The following ANKRD9 variants were observed in gnomAD, a reference collection of about 807,000 sequenced individuals.
ANKRD9 encodes ankyrin repeat domain-containing protein 9.
Under a neutral mutation model 19.2 loss-of-function variants are expected in ANKRD9, and 13 were observed. That is an observed-to-expected ratio of 0.68 (90% confidence interval 0.44 to 1.08). The LOEUF is 1.08. Among genes scored for constraint, ANKRD9 ranks in the 50% least tolerant of loss-of-function variants. ANKRD9 has a pLI of 0.00. For missense variants in ANKRD9, 518 were observed against 499.9 expected (o/e 1.04, Z -0.34); for synonymous variants, 278 against 256.8 (o/e 1.08, Z -0.79).
Position 102,507,499 on chromosome 14 carries a change from G to C in ANKRD9, c.391C>G (p.Arg131Gly). The C allele has an allele frequency of 1.5e-6, 2 of 1,376,112 alleles. No individual in the cohort carries two copies. Among genetic ancestry groups the C allele is most frequent in the Non-Finnish European group, 1.9e-6 (2 of 1,062,944 alleles). The allele number at this position is 1,376,112 out of a possible 1,614,324, so 85.2% of individuals were successfully genotyped here. A position where few individuals can be genotyped will look rare whatever the true frequency, so the allele number is the denominator to read the frequency against. ...VRYNRVGILRRILRTLRDFPA... is the reference protein window; with the variant it reads ...VRYNRVGILRGILRTLRDFPA... Reference sequence around the variant, plus strand: ...AAGTCGCGCAAGGTGCGCAGGATGCGGCGCAGAATGCCCACGCGGTTGTAG... The same window carrying C: ...AAGTCGCGCAAGGTGCGCAGGATGCCGCGCAGAATGCCCACGCGGTTGTAG... The change falls in exon 4 of 4, where the codon CGC (arginine) becomes GGC (glycine). Residue 131 changes from arginine (R) to glycine (G), a missense_variant. By Grantham distance (125) the Arg-to-Gly change is moderately radical. Coordinates refer to ENST00000286918, the MANE Select transcript of ANKRD9 (RefSeq NM_152326.4). The surrounding 1 kb of genome is among the most constrained non-coding windows in gnomAD (Gnocchi z 9.2).
In ANKRD9 at chr14:102,507,657, T is replaced by C; in HGVS notation, c.233A>G (p.Tyr78Cys). Residue 78 changes from tyrosine to cysteine, a missense_variant, in exon 4 of 4, where the codon TAC (tyrosine) becomes TGC (cysteine). Coordinates refer to ENST00000286918, the MANE Select transcript of ANKRD9 (RefSeq NM_152326.4). The surrounding 1 kb of genome is among the most constrained non-coding windows in gnomAD (Gnocchi z 9.2). Reference protein sequence around the residue: ...AAYSPSEALLYALVHDHQAYA... With the variant: ...AAYSPSEALLCALVHDHQAYA... ...CGCTTGGTGGTCGTGCACGAGCGCG[T>C]AGAGCAGCGCCTCAGAGGGCGAGTA... is the stretch of plus-strand genomic sequence containing the variant. The C allele has an allele frequency of 6.5e-7, 1 of 1,549,474 alleles. No homozygotes were observed.
rs1422079017 is a variant in ANKRD9, at chr14:102,502,418, T to C, written c.*4518A>G. ...TATATGCCTTTTTGTATCCTTTGAA[T>C]TTCCAGCCATGTAAATGTATTATTT... On this transcript the variant is annotated 3_prime_UTR_variant, in exon 4 of 4. Coordinates refer to ENST00000286918, the MANE Select transcript of ANKRD9 (RefSeq NM_152326.4). 1.3e-5 allele frequency: 2 copies of C among 152,686 alleles called. No homozygotes were observed. The highest frequency in any genetic ancestry group is 2.9e-5 in the Non-Finnish European group (2 of 68,050). The allele number at this position is 152,686 out of a possible 1,614,324, so 9.5% of individuals were successfully genotyped here. A position where few individuals can be genotyped will look rare whatever the true frequency, so the allele number is the denominator to read the frequency against.
At position 102,507,549 on chromosome 14, in the gene ANKRD9, C is replaced by G; in HGVS notation, c.341G>C (p.Gly114Ala). 8 of 1,342,606 alleles carry G rather than the reference C, an allele frequency of 6.0e-6. No homozygotes were observed. Among genetic ancestry groups the G allele is most frequent in the Non-Finnish European group, 7.6e-6 (8 of 1,047,416 alleles). 83.2% of individuals were successfully genotyped at this position (1,342,606 alleles called of 1,614,324 possible). Reference sequence around the variant, plus strand: ...GCGCACTGCCAGCGCCACGTGCGGCCCGGGAGCCGCGCAGCAGCGGAAGCC... The same window carrying G: ...GCGCACTGCCAGCGCCACGTGCGGCGCGGGAGCCGCGCAGCAGCGGAAGCC... ...SAGFRCCAAP[G>A]PHVALAVRYN... Residue 114 changes from glycine (G) to alanine (A), a missense_variant, in exon 4 of 4, where the codon GGG becomes GCG. Physicochemically the swap from Gly to Ala is moderately conservative, Grantham distance 60. Transcript: ENST00000286918. This position sits in a 1 kb window ranked among gnomAD's most constrained non-coding sequence, Gnocchi z 9.2.
At position 102,507,110 on chromosome 14, in the gene ANKRD9, C is replaced by T. The variant is rs1271184723; in HGVS notation, c.780G>A (p.Arg260=). 2.0e-6 allele frequency: 3 copies of T among 1,516,570 alleles called. No individual in the cohort carries two copies. The highest frequency in any genetic ancestry group is 2.6e-5 in the East Asian group (1 of 37,982). 93.9% of individuals were successfully genotyped at this position (1,516,570 alleles called of 1,614,324 possible). The part of the protein sequence containing the change: ...ELLGDRPRWQ[R]LLGEDKFQWL... ...ACTGGAACTTGTCCTCACCCAGCAG[C>T]CGCTGCCAGCGCGGCCGGTCGCCCA... Residue 260 remains arginine (R), a synonymous_variant, in exon 4 of 4, where the codon CGG becomes CGA. Transcript: ENST00000286918. The surrounding 1 kb of genome is among the most constrained non-coding windows in gnomAD (Gnocchi z 9.2).
At position 102,507,433 on chromosome 14, in the gene ANKRD9, A is replaced by G. The variant is rs1053503967; in HGVS notation, c.457T>C (p.Cys153Arg). 2.9e-6 allele frequency: 4 copies of G among 1,386,024 alleles called. No homozygotes were observed. The highest frequency in any genetic ancestry group is 1.4e-5 in the South Asian group (1 of 73,992). 85.9% of individuals were successfully genotyped at this position (1,386,024 alleles called of 1,614,324 possible). A position where few individuals can be genotyped will look rare whatever the true frequency, so the allele number is the denominator to read the frequency against. ...GTGCCACCGCCCTCCACGCGGCTGC[A>G]GCCACGCCGGTCCAGCACGCGCGCC... ...ERARVLDRRG[C>R]SRVEGGGTSL... Residue 153 changes from cysteine (C) to arginine (R), a missense_variant, in exon 4 of 4, where the codon TGC (cysteine) becomes CGC (arginine). Physicochemically the swap from Cys to Arg is radical, Grantham distance 180. Coordinates refer to ENST00000286918, the MANE Select transcript of ANKRD9 (RefSeq NM_152326.4). The surrounding 1 kb of genome is among the most constrained non-coding windows in gnomAD (Gnocchi z 9.2).
Position 102,508,218 on chromosome 14 carries a change from CAA to C in ANKRD9, c.-54+255_-54+256del, listed in dbSNP as rs1891677574. Among the ~76,000 whole-genome samples the C allele has an allele frequency of 6.6e-6, 1 of 152,198 alleles. No individual in the cohort carries two copies. Among genetic ancestry groups the C allele is most frequent in the Non-Finnish European group, 1.5e-5 (1 of 68,032 alleles). ...GAAATGCCCTTGCTGCCCATGCCCT[CAA>C]ATCTCCCCTCCCCTCTCCAACCCAG... is the stretch of plus-strand genomic sequence containing the variant. On this transcript the variant is annotated intron_variant, in intron 3 of 3. Coordinates refer to ENST00000286918, the MANE Select transcript of ANKRD9 (RefSeq NM_152326.4). The surrounding 1 kb of genome is among the most constrained non-coding windows in gnomAD (Gnocchi z 6.2).
Position 102,507,293 on chromosome 14 carries a change from C to G in ANKRD9, c.597G>C (p.Leu199=). The G allele has an allele frequency of 8.2e-7, 1 of 1,225,204 alleles. No homozygotes were observed. The highest frequency in any genetic ancestry group is 1.0e-6 in the Non-Finnish European group (1 of 979,308). 75.9% of individuals were successfully genotyped at this position (1,225,204 alleles called of 1,614,324 possible). A position where few individuals can be genotyped will look rare whatever the true frequency, so the allele number is the denominator to read the frequency against. Residue 199 remains leucine (L), a synonymous_variant, in exon 4 of 4, where the codon CTG becomes CTC. Transcript: ENST00000286918. This position sits in a 1 kb window ranked among gnomAD's most constrained non-coding sequence, Gnocchi z 9.2. Reference sequence around the variant, plus strand: ...CGGCGTCGCGGCCCAGCTGGCGCAGCAGCAGCTCGAGAGGCGTGAGGCCGC... The same window carrying G: ...CGGCGTCGCGGCCCAGCTGGCGCAGGAGCAGCTCGAGAGGCGTGAGGCCGC... ...DGGGLTPLEL[L]LRQLGRDAGA...
Position 102,507,574 on chromosome 14 carries a change from C to A in ANKRD9, c.316G>T (p.Gly106Cys). 1 of 1,373,386 alleles carries A rather than the reference C, an allele frequency of 7.3e-7. No individual in the cohort carries two copies. The highest frequency in any genetic ancestry group is 1.5e-5 in the African/African-American group (1 of 65,644). The allele number at this position is 1,373,386 out of a possible 1,614,324, so 85.1% of individuals were successfully genotyped here. A position where few individuals can be genotyped will look rare whatever the true frequency, so the allele number is the denominator to read the frequency against. The change falls in exon 4 of 4, where the codon GGC becomes TGC. Residue 106 changes from glycine to cysteine, a missense_variant. Physicochemically the swap from Gly to Cys is radical, Grantham distance 159. Transcript: ENST00000286918. This position sits in a 1 kb window ranked among gnomAD's most constrained non-coding sequence, Gnocchi z 9.2. Reference protein sequence around the residue: ...PRRALAPPSAGFRCCAAPGPH... With the variant: ...PRRALAPPSACFRCCAAPGPH... Reference sequence around the variant, plus strand: ...CCGGGAGCCGCGCAGCAGCGGAAGCCGGCACTGGGCGGTGCGAGCGCGCGC... The same window carrying A: ...CCGGGAGCCGCGCAGCAGCGGAAGCAGGCACTGGGCGGTGCGAGCGCGCGC...
In ANKRD9 at chr14:102,507,498, C is replaced by T. The variant is rs1191038697; in HGVS notation, c.392G>A (p.Arg131His). 2.2e-6 allele frequency: 3 copies of T among 1,378,602 alleles called. No individual in the cohort carries two copies. The highest frequency in any genetic ancestry group is 1.4e-5 in the South Asian group (1 of 69,526). 85.4% of individuals were successfully genotyped at this position (1,378,602 alleles called of 1,614,324 possible). ...VRYNRVGILR[R>H]ILRTLRDFPA... ...GAAGTCGCGCAAGGTGCGCAGGATG[C>T]GGCGCAGAATGCCCACGCGGTTGTA... The change falls in exon 4 of 4, where the codon CGC (arginine) becomes CAC (histidine). Residue 131 changes from arginine (R) to histidine (H), a missense_variant. Physicochemically the swap from Arg to His is conservative, Grantham distance 29. Coordinates refer to ENST00000286918, the MANE Select transcript of ANKRD9 (RefSeq NM_152326.4). This position sits in a 1 kb window ranked among gnomAD's most constrained non-coding sequence, Gnocchi z 9.2.
chr14:102,507,360 A>G lies in ANKRD9; in HGVS notation c.530T>C (p.Leu177Pro). The G allele has an allele frequency of 1.5e-6, 2 of 1,331,276 alleles. No individual in the cohort carries two copies. Among genetic ancestry groups the G allele is most frequent in the Non-Finnish European group, 1.9e-6 (2 of 1,038,388 alleles). 82.5% of individuals were successfully genotyped at this position (1,331,276 alleles called of 1,614,324 possible). ...GGGCGAGGCGCCGTGGCCCAGCAGCAGGAAGAGGCACTCGGGGCGCGCCAG... is the reference window on the plus strand; with the variant it reads ...GGGCGAGGCGCCGTGGCCCAGCAGCGGGAAGAGGCACTCGGGGCGCGCCAG... ...CELARPECLF[L>P]LLGHGASPGL... The change falls in exon 4 of 4, where the codon CTG becomes CCG. Residue 177 changes from leucine to proline, a missense_variant. Leu to Pro is a moderately conservative substitution (Grantham distance 98, BLOSUM62 -3). Transcript: ENST00000286918. The surrounding 1 kb of genome is among the most constrained non-coding windows in gnomAD (Gnocchi z 9.2).
Position 102,509,719 on chromosome 14 carries a change from C to CGGCGGCGGGCGGCGGGCGGCG in ANKRD9, c.-546_-526dup, listed in dbSNP as rs1018996891. 2.3e-4 allele frequency: 33 copies of CGGCGGCGGGCGGCGGGCGGCG among 143,934 alleles called. No individual in the cohort carries two copies. The East Asian group carries it at 6.2e-3, about 27-fold the overall frequency. 8.9% of individuals were successfully genotyped at this position (143,934 alleles called of 1,614,324 possible). A position where few individuals can be genotyped will look rare whatever the true frequency, so the allele number is the denominator to read the frequency against. On this transcript the variant is annotated 5_prime_UTR_variant, in exon 1 of 4. Coordinates refer to ENST00000286918, the MANE Select transcript of ANKRD9 (RefSeq NM_152326.4). ...GATCGCAGGGCGGCGGTGCCGTCGCCGGCGGCGGGCGGCGGGCGGCGGGCG... is the reference window on the plus strand; with the variant it reads ...GATCGCAGGGCGGCGGTGCCGTCGCCGGCGGCGGGCGGCGGGCGGCGGGCGGCGGGCGGCGGGCGGCGGGCG...
In ANKRD9 at chr14:102,503,159, G is replaced by A. The variant is rs1222960681; in HGVS notation, c.*3777C>T. ...ACCCAGGAGGCGGAAGTTACAGTGAGCTGAGACCACACCATTGCACTCCAG... is the reference window on the plus strand; with the variant it reads ...ACCCAGGAGGCGGAAGTTACAGTGAACTGAGACCACACCATTGCACTCCAG... On this transcript the variant is annotated 3_prime_UTR_variant, in exon 4 of 4. Coordinates refer to ENST00000286918, the MANE Select transcript of ANKRD9 (RefSeq NM_152326.4). The A allele has an allele frequency of 6.6e-6, 1 of 151,694 alleles. No individual in the cohort carries two copies. Among genetic ancestry groups the A allele is most frequent in the Non-Finnish European group, 1.5e-5 (1 of 67,980 alleles). 9.4% of individuals were successfully genotyped at this position (151,694 alleles called of 1,614,324 possible).
rs112039677 is a variant in ANKRD9 at position 102,506,044 on chromosome 14, C to G, written c.*892G>C. 2 of 152,230 alleles carry G rather than the reference C, an allele frequency of 1.3e-5. No individual in the cohort carries two copies. Among genetic ancestry groups the G allele is most frequent in the African/African-American group, 4.8e-5 (2 of 41,444 alleles). 9.4% of individuals were successfully genotyped at this position (152,230 alleles called of 1,614,324 possible). ...CGCAAACAAGTCTCCATCTCCAGAA[C>G]CTTCCTGAAGAAAACAGCTCTCCAG... On this transcript the variant is annotated 3_prime_UTR_variant, in exon 4 of 4. Coordinates refer to ENST00000286918, the MANE Select transcript of ANKRD9 (RefSeq NM_152326.4).
rs1374445889 is a variant in ANKRD9 at position 102,504,073 on chromosome 14, G to A, written c.*2863C>T. 1 of 152,330 alleles carries A rather than the reference G, an allele frequency of 6.6e-6. No homozygotes were observed. Among genetic ancestry groups the A allele is most frequent in the African/African-American group, 2.4e-5 (1 of 41,464 alleles). 9.4% of individuals were successfully genotyped at this position (152,330 alleles called of 1,614,324 possible). Reference sequence around the variant, plus strand: ...GACTGCCCTACAAGGTCACCTCAGAGAGATGGGGGTGTTCTCTCACTGCTG... The same window carrying A: ...GACTGCCCTACAAGGTCACCTCAGAAAGATGGGGGTGTTCTCTCACTGCTG... On this transcript the variant is annotated 3_prime_UTR_variant, in exon 4 of 4. Coordinates refer to ENST00000286918, the MANE Select transcript of ANKRD9 (RefSeq NM_152326.4).
At chr14:102,509,499 G>T (rs1891725437) in intron 1 of ANKRD9, 30 bp downstream of exon 1, 1 of 143,764 alleles carries the variant, frequency 7.0e-6, no homozygotes, top group Admixed American at 6.9e-5. Context: ...GGCGGCGGCC[G>T]CGGGCGCGGC....
rs1891509441 is a variant in ANKRD9, at chr14:102,503,785, G to C, written c.*3151C>G. The C allele has an allele frequency of 3.9e-5, 6 of 152,170 alleles. No homozygotes were observed. Among genetic ancestry groups the C allele is most frequent in the Admixed American group, 2.0e-4 (3 of 15,272 alleles). 9.4% of individuals were successfully genotyped at this position (152,170 alleles called of 1,614,324 possible). A position where few individuals can be genotyped will look rare whatever the true frequency, so the allele number is the denominator to read the frequency against. On this transcript the variant is annotated 3_prime_UTR_variant, in exon 4 of 4. Transcript: ENST00000286918. ...TCCCTTGAAACAGAAGCTCAAACAT[G>C]GAGTAGTCTTCTGTGACTAAACTTG...
Position 102,505,962 on chromosome 14 carries a change from G to C in ANKRD9, c.*974C>G, listed in dbSNP as rs1891578065. On this transcript the variant is annotated 3_prime_UTR_variant, in exon 4 of 4. Coordinates refer to ENST00000286918, the MANE Select transcript of ANKRD9 (RefSeq NM_152326.4). Reference sequence around the variant, plus strand: ...GCAGGGCAGCCTGGCTATCCTCCCTGGTGTCTCGGCTCTGAGAGCGGAGAC... The same window carrying C: ...GCAGGGCAGCCTGGCTATCCTCCCTCGTGTCTCGGCTCTGAGAGCGGAGAC... The C allele has an allele frequency of 6.6e-6, 1 of 152,146 alleles. No individual in the cohort carries two copies. The highest frequency in any genetic ancestry group is 2.1e-4 in the South Asian group (1 of 4,830). The allele number at this position is 152,146 out of a possible 1,614,324, so 9.4% of individuals were successfully genotyped here. A position where few individuals can be genotyped will look rare whatever the true frequency, so the allele number is the denominator to read the frequency against.
At position 102,507,244 on chromosome 14, in the gene ANKRD9, C is replaced by T; in HGVS notation, c.646G>A (p.Ala216Thr). Residue 216 changes from alanine (A) to threonine (T), a missense_variant, in exon 4 of 4, where the codon GCC (alanine) becomes ACC (threonine). Ala to Thr is a moderately conservative substitution (Grantham distance 58, BLOSUM62 0). Coordinates refer to ENST00000286918, the MANE Select transcript of ANKRD9 (RefSeq NM_152326.4). The surrounding 1 kb of genome is among the most constrained non-coding windows in gnomAD (Gnocchi z 9.2). Reference sequence around the variant, plus strand: ...GGCTCCCCGGGAGCTGAGGCGGGGGCTCCGGCGGCGGAGGGAGTGGCCCCG... The same window carrying T: ...GGCTCCCCGGGAGCTGAGGCGGGGGTTCCGGCGGCGGAGGGAGTGGCCCCG... ...DAGATPSAAG[A>T]PASAPGEPRQ... 1.6e-6 allele frequency: 2 copies of T among 1,236,294 alleles called. No homozygotes were observed. Among genetic ancestry groups the T allele is most frequent in the Non-Finnish European group, 2.0e-6 (2 of 989,286 alleles). The allele number at this position is 1,236,294 out of a possible 1,614,324, so 76.6% of individuals were successfully genotyped here.
chr14:102,507,366 A>G lies in ANKRD9; in HGVS notation c.524T>C (p.Leu175Pro), dbSNP rs1891636165. Residue 175 changes from leucine (L) to proline (P), a missense_variant, in exon 4 of 4, where the codon CTC becomes CCC. Transcript: ENST00000286918. The surrounding 1 kb of genome is among the most constrained non-coding windows in gnomAD (Gnocchi z 9.2). ...GGCGCCGTGGCCCAGCAGCAGGAAG[A>G]GGCACTCGGGGCGCGCCAGCTCACA... ...VACELARPEC[L>P]FLLLGHGASP... The G allele has an allele frequency of 1.5e-6, 2 of 1,332,738 alleles. No homozygotes were observed. The highest frequency in any genetic ancestry group is 9.6e-7 in the Non-Finnish European group (1 of 1,039,422). 82.6% of individuals were successfully genotyped at this position (1,332,738 alleles called of 1,614,324 possible).
Sources: gnomAD v4.1 joint callset for allele counts (sites outside exome capture counted in the v4.1 genomes callset) on GRCh38, gnomAD v4.1.1 for gene constraint, Gnocchi (gnomAD v3.1) non-coding constraint, MANE v1.5 for transcripts, NCBI Gene and HGNC (gene_info 2026-07-23, HGNC 2026-07-21) for gene names.